The following PKHD1L1 variants were observed in gnomAD, a reference collection of about 807,000 sequenced individuals.
The protein encoded by PKHD1L1 is PKHD1 like 1, also known as fibrocystin-L.
PKHD1L1 carries 434 observed loss-of-function variants against 462.9 expected under a neutral mutation model. That is an observed-to-expected ratio of 0.94 (90% CI 0.87 to 1.02). PKHD1L1 has a LOEUF of 1.02. Ranked by LOEUF, PKHD1L1 falls within the 50% of genes least tolerant of loss-of-function variation. The pLI is 0.00. For missense variants in PKHD1L1, 5,202 were observed against 5,096.1 expected (o/e 1.02, Z -0.63); for synonymous variants, 1,781 against 1,750.0 (o/e 1.02, Z -0.44).
rs200794813 is a variant in PKHD1L1 at position 109,372,487 on chromosome 8, G to A, written c.163+7851G>A. On this transcript the variant is annotated intron_variant, in intron 2 of 77. Coordinates refer to ENST00000378402, the MANE Select transcript of PKHD1L1 (RefSeq NM_177531.6). ...TGACTTCCTCTTTTCCTAATTGAATGCCCTTTATTTCCTTCTCCTGCCTGG... is the reference window on the plus strand; with the variant it reads ...TGACTTCCTCTTTTCCTAATTGAATACCCTTTATTTCCTTCTCCTGCCTGG... 2.8e-4 allele frequency among the ~76,000 whole-genome samples: 43 copies of A among 152,190 alleles called. 1 individual carries two copies. The highest frequency in any genetic ancestry group is 1.7e-3 in the South Asian group (8 of 4,826).
intron 71 of PKHD1L1, among the ~76,000 whole-genome samples, chr8:109,511,174 C>T (rs763805884): frequency 6.6e-6 from 1 of 151,980 alleles, no homozygotes; most frequent in Non-Finnish European, 1.5e-5. Context: ...GTACTCCATA[C>T]GTGAAGCAAA....
At chr8:109,430,080 T>A (rs1347995978) in intron 27 of PKHD1L1, 43 bp downstream of exon 27, 42 of 1,277,518 alleles carry the variant, frequency 3.3e-5, no homozygotes, top group Non-Finnish European at 4.2e-5. Flanking sequence ...TGAAAGATAA[T>A]CAGCAAAATG....
chr8:109,388,643 A>G (rs1812554893), intron 7 of PKHD1L1, 93 bp downstream of exon 7: 3 of 853,240 alleles, frequency 3.5e-6, no homozygotes, highest in Non-Finnish European at 5.6e-6. Context: ...CTGCATAGCT[A>G]AATGGTTTAT....
chr8:109,448,760 A>C lies in PKHD1L1; in HGVS notation c.6025+369A>C, dbSNP rs115219567. Among the ~76,000 whole-genome samples the C allele has an allele frequency of 3.7e-3, 557 of 152,168 alleles. 5 individuals are homozygous for C. The highest frequency in any genetic ancestry group is 0.012 in the African/African-American group (519 of 41,558). Reference sequence around the variant, plus strand: ...TACAAATACTTTGCTTTATGTAGCAAATAAATAAGCATGTAAGTGTATAAT... The same window carrying C: ...TACAAATACTTTGCTTTATGTAGCACATAAATAAGCATGTAAGTGTATAAT... On this transcript the variant is annotated intron_variant, in intron 39 of 77. Transcript: ENST00000378402.
chr8:109,491,871 A>G lies in PKHD1L1; in HGVS notation c.10115-2A>G. On this transcript the variant is annotated splice_acceptor_variant, in intron 61 of 77. Transcript: ENST00000378402. LOFTEE classifies it high-confidence loss of function. ...TCTTTCTTTTTTTCTTTTTTTAAAC[A>G]GGCATAAGAATATGGGGGAATGCCA... 2 of 1,575,642 alleles carry G rather than the reference A, an allele frequency of 1.3e-6. No homozygotes were observed. The highest frequency in any genetic ancestry group is 1.7e-6 in the Non-Finnish European group (2 of 1,158,324).
Position 109,485,006 on chromosome 8 carries a change from A to G in PKHD1L1, c.9577-38A>G, listed in dbSNP as rs765677443. 4 of 1,506,488 alleles carry G rather than the reference A, an allele frequency of 2.7e-6. No individual in the cohort carries two copies. In the Admixed American group the frequency reaches 6.5e-5, roughly 25 times the overall value. The allele number at this position is 1,506,488 out of a possible 1,614,324, so 93.3% of individuals were successfully genotyped here. A position where few individuals can be genotyped will look rare whatever the true frequency, so the allele number is the denominator to read the frequency against. ...TATCAAGAAATATAAATCTATTTTT[A>G]AAATTGTTCTTAAATTTGGCACTTG... On this transcript the variant is annotated intron_variant, in intron 57 of 77. Coordinates refer to ENST00000378402, the MANE Select transcript of PKHD1L1 (RefSeq NM_177531.6).
chr8:109,506,236 G>A (rs1247449015), intron 68 of PKHD1L1, among the ~76,000 whole-genome samples: 1 of 152,152 alleles, frequency 6.6e-6, no homozygotes, highest in Admixed American at 6.5e-5. Context: ...GCCCCCAAAT[G>A]TTCTCAGTGT....
rs374182485 is a variant in PKHD1L1 at position 109,400,123 on chromosome 8, C to A, written c.1060C>A (p.Arg354Ser). The A allele has an allele frequency of 6.2e-7, 1 of 1,613,312 alleles. No individual in the cohort carries two copies. The highest frequency in any genetic ancestry group is 2.2e-5 in the East Asian group (1 of 44,876). ...GGTGTGGAATAATAGCCGTCCAATACGTTTGGAAGAGATACTGGAATACAA... is the reference window on the plus strand; with the variant it reads ...GGTGTGGAATAATAGCCGTCCAATAAGTTTGGAAGAGATACTGGAATACAA... ...LEVWNNSRPI[R>S]LEEILEYNEK... The change falls in exon 13 of 78, where the codon CGT becomes AGT. Residue 354 changes from arginine (R) to serine (S), a missense_variant. Coordinates refer to ENST00000378402, the MANE Select transcript of PKHD1L1 (RefSeq NM_177531.6).
intron 70 of PKHD1L1, among the ~76,000 whole-genome samples, chr8:109,509,715 C>G (rs1417575912): frequency 1.3e-5 from 2 of 151,082 alleles, no homozygotes; most frequent in African/African-American, 4.9e-5. Flanking sequence ...TTTTCAAAAC[C>G]CACAAAGAAA....
At position 109,480,640 on chromosome 8, in the gene PKHD1L1, G is replaced by C. The variant is rs748745600; in HGVS notation, c.9327+501G>C. 12 of 454,518 alleles carry C rather than the reference G, an allele frequency of 2.6e-5. 1 individual carries two copies. Among genetic ancestry groups the C allele is most frequent in the South Asian group, 1.7e-4 (11 of 64,198 alleles). The allele number at this position is 454,518 out of a possible 1,614,324, so 28.2% of individuals were successfully genotyped here. A position where few individuals can be genotyped will look rare whatever the true frequency, so the allele number is the denominator to read the frequency against. ...CCCAGATGGTCTTGAACCTGTACCAGCTTAATCAGCTCGATTGTCCTGTCA... is the reference window on the plus strand; with the variant it reads ...CCCAGATGGTCTTGAACCTGTACCACCTTAATCAGCTCGATTGTCCTGTCA... On this transcript the variant is annotated intron_variant, in intron 55 of 77. Transcript: ENST00000378402.
At chr8:109,363,837 C>A (rs1271403708) in intron 1 of PKHD1L1, among the ~76,000 whole-genome samples, 1 of 152,162 alleles carries the variant, frequency 6.6e-6, no homozygotes, top group African/African-American at 2.4e-5. Context: ...GTGACACAAG[C>A]AGCGTGGGTG....
chr8:109,419,313 C>A (rs1814347378), intron 22 of PKHD1L1, 53 bp downstream of exon 22: 4 of 1,388,584 alleles, frequency 2.9e-6, no homozygotes, highest in Admixed American at 2.5e-5. Context: ...AAAATCTTAC[C>A]ATGGAAATTA....
Position 109,429,995 on chromosome 8 carries a change from T to C in PKHD1L1, c.3187T>C (p.Ser1063Pro). 6.2e-7 allele frequency: 1 copy of C among 1,611,972 alleles called. No homozygotes were observed. Among genetic ancestry groups the C allele is most frequent in the East Asian group, 2.2e-5 (1 of 44,708 alleles). ...CSGDCGFTWD[S>P]NITPLVLAIS... is the part of the protein sequence containing the mutation. ...AGGTGACTGTGGATTTACATGGGATTCCAACATTACTCCCCTAGTCTTGGC... is the reference window on the plus strand; with the variant it reads ...AGGTGACTGTGGATTTACATGGGATCCCAACATTACTCCCCTAGTCTTGGC... The change falls in exon 27 of 78, where the codon TCC becomes CCC. Residue 1063 changes from serine to proline, a missense_variant. Coordinates refer to ENST00000378402, the MANE Select transcript of PKHD1L1 (RefSeq NM_177531.6).
intron 59 of PKHD1L1, among the ~76,000 whole-genome samples, chr8:109,487,610 C>T (rs1224994460): frequency 6.6e-6 from 1 of 151,806 alleles, no homozygotes; most frequent in African/African-American, 2.4e-5. Flanking sequence ...TGTGGAGTTT[C>T]CAACAGTCTG....
chr8:109,440,637 A>AAGAGT lies in PKHD1L1; in HGVS notation c.3957-73_3957-72insAGAGT. 4.3e-6 allele frequency: 6 copies of AAGAGT among 1,385,068 alleles called. No individual in the cohort carries two copies. The South Asian group carries it at 8.4e-5, about 19-fold the overall frequency. The allele number at this position is 1,385,068 out of a possible 1,614,324, so 85.8% of individuals were successfully genotyped here. A position where few individuals can be genotyped will look rare whatever the true frequency, so the allele number is the denominator to read the frequency against. Reference sequence around the variant, plus strand: ...GTTATTTCCTCTTTCTAAAGAAGTCATATCCTAGCAAGAGTTTAGCAAGAT... The same window carrying AAGAGT: ...GTTATTTCCTCTTTCTAAAGAAGTCAAGAGTTATCCTAGCAAGAGTTTAGCAAGAT... On this transcript the variant is annotated intron_variant, in intron 32 of 77. Transcript: ENST00000378402.
chr8:109,462,027 A>C, intron 48 of PKHD1L1, 119 bp downstream of exon 48: 1 of 1,222,018 alleles, frequency 8.2e-7, no homozygotes, highest in Non-Finnish European at 1.1e-6. Context: ...AGACAGATAC[A>C]TAAGTAAACA....
intron 19 of PKHD1L1, among the ~76,000 whole-genome samples, chr8:109,410,555 T>C (rs1443366527): frequency 6.6e-6 from 1 of 151,916 alleles, no homozygotes; most frequent in Non-Finnish European, 1.5e-5. Context: ...ACAGCACCGA[T>C]GGGATGGTGC....
In PKHD1L1 at chr8:109,383,669, C is replaced by A. The variant is rs567178431; in HGVS notation, c.418-401C>A. ...ACGATTCCCAGATATCTCTGGCTTT[C>A]TTCTGTTTCCCCAGACGTGGAACTC... On this transcript the variant is annotated intron_variant, in intron 4 of 77. Transcript: ENST00000378402. Among the ~76,000 whole-genome samples the A allele has an allele frequency of 7.3e-5, 11 of 151,588 alleles. No homozygotes were observed. In the South Asian group the frequency reaches 2.3e-3, roughly 31 times the overall value.
chr8:109,464,342 A>C lies in PKHD1L1; in HGVS notation c.7510A>C (p.Thr2504Pro). The C allele has an allele frequency of 6.2e-7, 1 of 1,613,398 alleles. No homozygotes were observed. Among genetic ancestry groups the C allele is most frequent in the Non-Finnish European group, 8.5e-7 (1 of 1,179,582 alleles). Reference sequence around the variant, plus strand: ...TCACCAGGCCTATAACAGAGCTGTTACTATTCATAACACACACCATCTTCT... The same window carrying C: ...TCACCAGGCCTATAACAGAGCTGTTCCTATTCATAACACACACCATCTTCT... ...AIHQAYNRAV[T>P]IHNTHHLLVE... Residue 2504 changes from threonine to proline, a missense_variant, in exon 49 of 78, where the codon ACT becomes CCT. Physicochemically the swap from Thr to Pro is conservative, Grantham distance 38. Coordinates refer to ENST00000378402, the MANE Select transcript of PKHD1L1 (RefSeq NM_177531.6).
Sources: allele counts gnomAD v4.1 joint callset (sites outside exome capture counted in the v4.1 genomes callset), GRCh38; gene constraint gnomAD v4.1.1; transcripts MANE v1.5; gene names NCBI Gene and HGNC (gene_info 2026-07-23, HGNC 2026-07-21).